Variants in DNAAF4 observed in about 807,000 individuals in gnomAD.
DNAAF4 encodes the protein dynein axonemal assembly factor 4.
A neutral mutation model predicts 51.8 loss-of-function variants in DNAAF4; 43 were observed. That is an observed-to-expected ratio of 0.83 (90% CI 0.65 to 1.07). The LOEUF (loss-of-function observed/expected upper bound fraction) is 1.07. Among genes scored for constraint, DNAAF4 ranks in the 50% least tolerant of loss-of-function variants. The pLI, the probability that DNAAF4 is intolerant of heterozygous loss-of-function variation, is 0.00. For synonymous variants in DNAAF4, 194 were observed against 165.6 expected (o/e 1.17, Z -1.32); for missense variants, 581 against 493.0 (o/e 1.18, Z -1.69).
intron 4 of DNAAF4, among the ~76,000 whole-genome samples, chr15:55,472,281 T>C (rs2058266408): frequency 6.6e-6 from 1 of 152,124 alleles, no homozygotes; most frequent in African/African-American, 2.4e-5. Flanking sequence ...GAATATGCAG[T>C]AACAGAAAAA....
chr15:55,441,435 T>A (rs910116390), intron 6 of DNAAF4, among the ~76,000 whole-genome samples: 4 of 152,142 alleles, frequency 2.6e-5, no homozygotes, highest in Non-Finnish European at 4.4e-5. Flanking sequence ...TTACTATACT[T>A]TAAGTTCTAG....
At chr15:55,442,698 C>T in intron 6 of DNAAF4, 2 of 1,458,840 alleles carry the variant, frequency 1.4e-6, no homozygotes, top group South Asian at 2.3e-5. Flanking sequence ...ATAGGGTCTT[C>T]TCATCAACAC....
rs1389557932 is a variant in DNAAF4, at chr15:55,432,511, T to G, written c.1139A>C (p.Glu380Ala). ...VRRGTAFCQL[E>A]LYVEGLQDYE... ...CAATTCCTTACCTTCTACATACAAT[T>G]CTAGTTGACAGAATGCTGTTCCACG... Residue 380 changes from glutamate (E) to alanine (A), a missense_variant, in exon 9 of 10, where the codon GAA becomes GCA. By Grantham distance (107) the Glu-to-Ala change is moderately radical (BLOSUM62 -1). Coordinates refer to ENST00000321149, the MANE Select transcript of DNAAF4 (RefSeq NM_130810.4). 1.9e-6 allele frequency: 3 copies of G among 1,610,732 alleles called. No homozygotes were observed. Among genetic ancestry groups the G allele is most frequent in the Non-Finnish European group, 2.5e-6 (3 of 1,177,852 alleles).
rs149970551 is a variant in DNAAF4, at chr15:55,471,792, C to T, written c.406-4631G>A. ...CCTCCCAAAGTGCTGGGATTACAGGCGTGAGCCACCACGCCCAGCCAACAA... is the reference window on the plus strand; with the variant it reads ...CCTCCCAAAGTGCTGGGATTACAGGTGTGAGCCACCACGCCCAGCCAACAA... On this transcript the variant is annotated intron_variant, in intron 4 of 9. Coordinates refer to ENST00000321149, the MANE Select transcript of DNAAF4 (RefSeq NM_130810.4). Among the ~76,000 whole-genome samples the T allele has an allele frequency of 4.0e-3, 612 of 152,192 alleles. 6 individuals carry two copies. The highest frequency in any genetic ancestry group is 0.014 in the African/African-American group (571 of 41,522).
chr15:55,433,963 A>AATATTATAATAT (rs1555413861), intron 8 of DNAAF4, among the ~76,000 whole-genome samples: 6 of 29,912 alleles, frequency 2.0e-4, no homozygotes, highest in South Asian at 9.2e-4. Context: ...TAATATATAT[A>AATATTATAATAT]ATATATTTTA....
chr15:55,432,423 G>C (rs950915956), intron 9 of DNAAF4, 74 bp downstream of exon 9: 1 of 1,220,552 alleles, frequency 8.2e-7, no homozygotes, highest in Non-Finnish European at 1.2e-6. Context: ...TAAAAGTCAC[G>C]ATCTTAAATA....
chr15:55,467,537 C>A (rs2058187464), intron 4 of DNAAF4, among the ~76,000 whole-genome samples: 1 of 66,346 alleles, frequency 1.5e-5, no homozygotes, highest in South Asian at 8.1e-4. Context: ...CCACTTCTCT[C>A]AAAATCTACA....
chr15:55,505,855 A>C (rs2058724571), intron 1 of DNAAF4, among the ~76,000 whole-genome samples: 1 of 152,254 alleles, frequency 6.6e-6, no homozygotes, highest in Non-Finnish European at 1.5e-5. Flanking sequence ...AACATGGCAC[A>C]TGTATACCTA....
chr15:55,446,806 C>CGGT (rs1482888540), intron 6 of DNAAF4, among the ~76,000 whole-genome samples: 1 of 144,626 alleles, frequency 6.9e-6, no homozygotes, highest in Non-Finnish European at 1.5e-5. Context: ...GATGGGGCGG[C>CGGT]CGGGCAGAGG....
chr15:55,464,036 C>G (rs1000470938), intron 5 of DNAAF4, among the ~76,000 whole-genome samples: 3 of 152,172 alleles, frequency 2.0e-5, no homozygotes, highest in Non-Finnish European at 4.4e-5. Context: ...CTGAGGGGAT[C>G]ATATTACCTG....
intron 1 of DNAAF4, among the ~76,000 whole-genome samples, chr15:55,507,380 C>T (rs1373206280): frequency 6.6e-6 from 1 of 152,190 alleles, no homozygotes; most frequent in African/African-American, 2.4e-5. Flanking sequence ...CATTAGCCTA[C>T]AGTTGGGCAA....
chr15:55,418,609 G>T, intron 7 of DNAAF4: 1 of 1,279,748 alleles, frequency 7.8e-7, no homozygotes, highest in Non-Finnish European at 1.0e-6. Context: ...AAATATACTC[G>T]GGAAAAATGA....
intron 4 of DNAAF4, among the ~76,000 whole-genome samples, chr15:55,488,357 G>A (rs1254965014): frequency 6.6e-6 from 1 of 152,112 alleles, no homozygotes; most frequent in East Asian, 1.9e-4. Context: ...TTTGGTAGAT[G>A]TCCTTCAAGT....
chr15:55,452,162 C>G (rs1358504793), intron 5 of DNAAF4, among the ~76,000 whole-genome samples: 1 of 137,784 alleles, frequency 7.3e-6, no homozygotes, highest in Non-Finnish European at 1.5e-5. Flanking sequence ...GCAGGAGAAT[C>G]GCTTCAACCT....
At chr15:55,477,773 T>C (rs4144134) in intron 4 of DNAAF4, among the ~76,000 whole-genome samples, 76,101 of 151,566 alleles carry the variant, frequency 0.5, 20,629 homozygotes, top group East Asian at 0.75. Flanking sequence ...GCTTAGAAGC[T>C]GTCACTCCTA....
intron 1 of DNAAF4, among the ~76,000 whole-genome samples, chr15:55,501,551 A>AT (rs1441181340): frequency 6.8e-6 from 1 of 146,626 alleles, no homozygotes; most frequent in African/African-American, 2.5e-5. Context: ...GATTTTTTGC[A>AT]TTTTTAGTAG....
intron 6 of DNAAF4, among the ~76,000 whole-genome samples, chr15:55,445,701 C>T (rs1484695591): frequency 7.9e-6 from 1 of 126,226 alleles, no homozygotes. Context: ...AAACGAAGGG[C>T]ACCAGGCAGA....
intron 5 of DNAAF4, among the ~76,000 whole-genome samples, chr15:55,455,683 C>T (rs766618048): frequency 1.3e-5 from 2 of 151,970 alleles, no homozygotes; most frequent in East Asian, 1.9e-4. Context: ...CTGCCCACCT[C>T]GGCCTCCCAA....
intron 5 of DNAAF4, among the ~76,000 whole-genome samples, chr15:55,457,322 A>AG (rs2058034601): frequency 6.6e-6 from 1 of 152,010 alleles, no homozygotes; most frequent in Non-Finnish European, 1.5e-5. Flanking sequence ...AGCACAGCAG[A>AG]GGCAGCCATA....
Sources: gnomAD v4.1 joint callset for allele counts (sites outside exome capture counted in the v4.1 genomes callset) on GRCh38, gnomAD v4.1.1 for gene constraint, MANE v1.5 for transcripts, NCBI Gene and HGNC (gene_info 2026-07-23, HGNC 2026-07-21) for gene names.